The following KSR1 variants were observed in gnomAD, a reference collection of about 807,000 sequenced individuals.
KSR1 encodes kinase suppressor of ras.
A neutral mutation model predicts 92.9 loss-of-function variants in KSR1; 35 were observed. That is an observed-to-expected ratio of 0.38 (90% CI 0.29 to 0.50). The LOEUF is 0.50. Ranked by LOEUF, KSR1 falls within the 20% of genes least tolerant of loss-of-function variation. The probability of loss-of-function intolerance (pLI) is 0.94; values close to 1 mark genes in which losing one functional copy is unlikely to be tolerated. For missense variants in KSR1, 972 were observed against 1,158.5 expected, an observed-to-expected ratio of 0.84 and a Z score of 2.34; for synonymous variants, 467 against 472.6, an observed-to-expected ratio of 0.99 and a Z score of 0.15.
chr17:27,546,704 C>T (rs904118674), intron 1 of KSR1, among the ~76,000 whole-genome samples: 4 of 152,066 alleles, frequency 2.6e-5, no homozygotes, highest in African/African-American at 9.7e-5. Flanking sequence ...GAAGTTGGAG[C>T]CCTGGTTTTG....
intron 1 of KSR1, among the ~76,000 whole-genome samples, chr17:27,506,989 A>G (rs976357176): frequency 6.6e-6 from 1 of 152,218 alleles, no homozygotes; most frequent in African/African-American, 2.4e-5. Flanking sequence ...AACTTTCTGC[A>G]ATAATTGAAA....
intron 18 of KSR1, among the ~76,000 whole-genome samples, chr17:27,614,684 C>A (rs2074009533): frequency 6.6e-6 from 1 of 152,168 alleles, no homozygotes; most frequent in Admixed American, 6.5e-5. Context: ...CTCCTCAGAT[C>A]ATTCTAGAGC....
intron 5 of KSR1, 26 bp downstream of exon 5, chr17:27,585,687 T>G (rs747383460): frequency 1.3e-6 from 1 of 760,064 alleles, no homozygotes; most frequent in Non-Finnish European, 2.5e-6. Flanking sequence ...TTCCATCCCC[T>G]CTACCACCTG....
chr17:27,529,142 AAG>A (rs1432521766), intron 1 of KSR1, among the ~76,000 whole-genome samples: 3 of 152,232 alleles, frequency 2.0e-5, no homozygotes, highest in African/African-American at 7.2e-5. Context: ...AAGTTGAAAA[AAG>A]AAAATTAATG....
chr17:27,584,097 C>A, intron 4 of KSR1: 2 of 520,490 alleles, frequency 3.8e-6, no homozygotes, highest in Non-Finnish European at 4.9e-6. Context: ...CCCTTGGCAG[C>A]ACAGAAAGAA....
intron 2 of KSR1, chr17:27,560,270 A>ATTTTT: frequency 2.7e-6 from 1 of 375,770 alleles, no homozygotes. Context: ...GCATGGAGCC[A>ATTTTT]TTTTTTTTTT....
Position 27,617,229 on chromosome 17 carries a change from A to G in KSR1, c.2494-66A>G, listed in dbSNP as rs1471382015. 4 of 1,483,936 alleles carry G rather than the reference A, an allele frequency of 2.7e-6. No individual in the cohort carries two copies. The African/African-American group carries it at 4.2e-5, about 15-fold the overall frequency. 91.9% of individuals were successfully genotyped at this position (1,483,936 alleles called of 1,614,324 possible). ...ACATCAAAGGGACCCTTTGTGGAGCACCCCTACTGTGTGCCCCCTCCCTCC... is the reference window on the plus strand; with the variant it reads ...ACATCAAAGGGACCCTTTGTGGAGCGCCCCTACTGTGTGCCCCCTCCCTCC... On this transcript the variant is annotated intron_variant, in intron 18 of 20. Coordinates refer to ENST00000644974, the MANE Select transcript of KSR1 (RefSeq NM_001394583.1).
At chr17:27,501,578 C>T (rs2069191973) in intron 1 of KSR1, among the ~76,000 whole-genome samples, 1 of 152,152 alleles carries the variant, frequency 6.6e-6, no homozygotes, top group Admixed American at 6.5e-5. Context: ...AGCCTCAGAG[C>T]ATGATGCCCT....
chr17:27,600,575 CT>C (rs1232917698), intron 10 of KSR1, among the ~76,000 whole-genome samples: 5 of 152,154 alleles, frequency 3.3e-5, no homozygotes, highest in African/African-American at 1.2e-4. Context: ...GCGTGCCATC[CT>C]TTTATACAGC....
intron 1 of KSR1, among the ~76,000 whole-genome samples, chr17:27,460,336 C>T (rs2019373966): frequency 6.6e-6 from 1 of 152,182 alleles, no homozygotes; most frequent in African/African-American, 2.4e-5. Context: ...GTTCCAGGGA[C>T]ATTGTGACTT....
intron 1 of KSR1, among the ~76,000 whole-genome samples, chr17:27,539,939 C>T (rs1314464952): frequency 6.6e-6 from 1 of 152,250 alleles, no homozygotes; most frequent in Non-Finnish European, 1.5e-5. Flanking sequence ...CTCTTTGGTT[C>T]TGCTGCATCT....
intron 2 of KSR1, among the ~76,000 whole-genome samples, chr17:27,563,783 T>C (rs2071933390): frequency 1.3e-5 from 2 of 152,296 alleles, no homozygotes; most frequent in South Asian, 4.1e-4. Context: ...GAAGTTGCTG[T>C]ACCCTTGTGG....
intron 1 of KSR1, among the ~76,000 whole-genome samples, chr17:27,466,767 T>C (rs2019719296): frequency 6.6e-6 from 1 of 152,234 alleles, no homozygotes; most frequent in Non-Finnish European, 1.5e-5. Context: ...GAGGAGCTCT[T>C]TCTGGCCTCT....
intron 1 of KSR1, among the ~76,000 whole-genome samples, chr17:27,516,396 C>G (rs1427999130): frequency 6.6e-6 from 1 of 152,124 alleles, no homozygotes; most frequent in Non-Finnish European, 1.5e-5. Flanking sequence ...GGTGTTTGGA[C>G]AGAGGCCAAT....
chr17:27,609,320 G>A lies in KSR1; in HGVS notation c.2216G>A (p.Arg739Gln), dbSNP rs779694982. The change falls in exon 16 of 21, where the codon CGA becomes CAA. Residue 739 changes from arginine to glutamine, a missense_variant. This residue lies in a region of KSR1 where 260 missense variants were observed against 375.2 expected (regional missense o/e 0.69). Transcript: ENST00000644974. ...FGLFGISGVV[R>Q]EGRRENQLKL... Reference sequence around the variant, plus strand: ...CTGTTTGGGATCTCAGGCGTGGTCCGAGAGGGACGGTGAGTTGGTCTTGAG... The same window carrying A: ...CTGTTTGGGATCTCAGGCGTGGTCCAAGAGGGACGGTGAGTTGGTCTTGAG... 10 of 1,613,838 alleles carry A rather than the reference G, an allele frequency of 6.2e-6. No individual in the cohort carries two copies. The highest frequency in any genetic ancestry group is 5.3e-5 in the African/African-American group (4 of 74,912).
rs73983439 is a variant in KSR1 at position 27,471,696 on chromosome 17, C to T, written c.231+14822C>T. Among the ~76,000 whole-genome samples, 873 of 152,274 alleles carry T rather than the reference C, an allele frequency of 5.7e-3. 8 individuals carry two copies. Among genetic ancestry groups the T allele is most frequent in the African/African-American group, 0.02 (821 of 41,556 alleles). On this transcript the variant is annotated intron_variant, in intron 1 of 20. Coordinates refer to ENST00000644974, the MANE Select transcript of KSR1 (RefSeq NM_001394583.1). ...ACAGGTGTCCTCCTACTTCCCCCTC[C>T]GCCCTCCTGGCCGGGTTTCGTGCCA...
chr17:27,511,093 C>T (rs2069582430), intron 1 of KSR1, among the ~76,000 whole-genome samples: 1 of 152,222 alleles, frequency 6.6e-6, no homozygotes, highest in African/African-American at 2.4e-5. Flanking sequence ...CCTTTTCTGT[C>T]CACTTCCTCT....
chr17:27,561,252 A>AG (rs2071816197), intron 2 of KSR1, among the ~76,000 whole-genome samples: 2 of 152,092 alleles, frequency 1.3e-5, no homozygotes, highest in African/African-American at 2.4e-5. Flanking sequence ...AGAATAGCAC[A>AG]GTTTTGGGGC....
chr17:27,465,920 T>A (rs1221283128), intron 1 of KSR1, among the ~76,000 whole-genome samples: 1 of 152,150 alleles, frequency 6.6e-6, no homozygotes, highest in Admixed American at 6.5e-5. Context: ...GGAGAGCTCC[T>A]ACCCCACTCC....
Sources: allele counts gnomAD v4.1 joint callset (sites outside exome capture counted in the v4.1 genomes callset), GRCh38; gene constraint gnomAD v4.1.1; regional missense constraint gnomAD v4.1.1; transcripts MANE v1.5; gene names NCBI Gene and HGNC (gene_info 2026-07-23, HGNC 2026-07-21).